MYH8: variants seen among roughly 807,000 people sequenced by gnomAD.
MYH8 encodes myosin-8.
Under a neutral mutation model 233.2 loss-of-function variants are expected in MYH8, and 168 were observed. The observed-to-expected ratio is 0.72, with a 90% CI of 0.64 to 0.82. The LOEUF (loss-of-function observed/expected upper bound fraction) is 0.82, where lower values mean the gene tolerates loss of function less well. MYH8 is among the 40% of genes least tolerant of loss of function. The pLI, the probability that MYH8 is intolerant of heterozygous loss-of-function variation, is 0.00. For missense variants in MYH8, 1,995 were observed against 2,327.8 expected, an observed-to-expected ratio of 0.86 and a Z score of 2.94; for synonymous variants, 785 against 850.6, an observed-to-expected ratio of 0.92 and a Z score of 1.34.
chr17:10,392,737 C>A, intron 37 of MYH8, 91 bp from the exon 38 acceptor site: 1 of 1,613,834 alleles, frequency 6.2e-7, no homozygotes, highest in Non-Finnish European at 8.5e-7. Flanking sequence ...TGTTCCCAGC[C>A]CCAGGACAGG....
At chr17:10,405,531 T>C (rs183217559) in intron 21 of MYH8, among the ~76,000 whole-genome samples, 1 of 152,166 alleles carries the variant, frequency 6.6e-6, no homozygotes, top group South Asian at 2.1e-4. Context: ...GAAAAATGAA[T>C]GCACAGTGTG....
intron 5 of MYH8, among the ~76,000 whole-genome samples, chr17:10,418,010 A>C (rs1335584984): frequency 6.6e-6 from 1 of 152,264 alleles, no homozygotes; most frequent in Admixed American, 6.5e-5. Context: ...ATTTGGGCCT[A>C]TAATGCGTAT....
Position 10,415,738 on chromosome 17 carries a change from A to T in MYH8, c.512-30T>A, listed in dbSNP as rs2072285122. The stretch of plus-strand genomic sequence containing the variant: ...GAAAGAATTCAAAATCATCCGTTAA[A>T]AAATGCATATTTAATATGAAGAGTA... On this transcript the variant is annotated intron_variant, in intron 5 of 39. Transcript: ENST00000403437. This position sits in a 1 kb window ranked among gnomAD's most constrained non-coding sequence, Gnocchi z 4.1. The T allele has an allele frequency of 1.2e-6, 2 of 1,605,496 alleles. No homozygotes were observed. The highest frequency in any genetic ancestry group is 8.5e-7 in the Non-Finnish European group (1 of 1,174,098).
Position 10,406,876 on chromosome 17 carries a change from ACT to A in MYH8, c.2053+14_2053+15del, listed in dbSNP as rs751217989. On this transcript the variant is annotated intron_variant, in intron 18 of 39. Transcript: ENST00000403437. ...AAACCTGTGCCCGTTTGATTATTTCACTCTCTGTGTCTTACCAGGAGTTTTGG... is the reference window on the plus strand; with the variant it reads ...AAACCTGTGCCCGTTTGATTATTTCACTCTGTGTCTTACCAGGAGTTTTGG... 6.2e-7 allele frequency: 1 copy of A among 1,613,250 alleles called. No individual in the cohort carries two copies. Among genetic ancestry groups the A allele is most frequent in the East Asian group, 2.2e-5 (1 of 44,868 alleles).
At chr17:10,418,334 T>C (rs567994071) in intron 5 of MYH8, among the ~76,000 whole-genome samples, 1 of 152,340 alleles carries the variant, frequency 6.6e-6, no homozygotes, top group East Asian at 1.9e-4. Context: ...AATTGGAAAG[T>C]AACAAAATAT....
intron 35 of MYH8, 35 bp downstream of exon 35, chr17:10,394,214 A>C (rs1341712042): frequency 6.2e-7 from 1 of 1,613,176 alleles, no homozygotes; most frequent in Admixed American, 1.7e-5. Flanking sequence ...ATCAGCTACC[A>C]GTACACCAGC....
intron 27 of MYH8, 26 bp from the exon 28 acceptor site, chr17:10,399,695 T>C (rs2072117314): frequency 3.7e-6 from 6 of 1,613,514 alleles, no homozygotes; most frequent in Non-Finnish European, 4.2e-6. Flanking sequence ...CAATGAAAGA[T>C]GAGACATTGA....
chr17:10,418,964 T>C lies in MYH8; in HGVS notation c.277A>G (p.Met93Val), dbSNP rs144036067. 2.0e-4 allele frequency: 321 copies of C among 1,613,646 alleles called. No homozygotes were observed. Among genetic ancestry groups the C allele is most frequent in the Middle Eastern group, 6.6e-4 (4 of 6,084 alleles). ...TCGTGTAGATGAGTCATCATGGCCA[T>C]GTCCTCAATTTTGTCATATTTCGGA... ...NPPKYDKIED[M>V]AMMTHLHEPG... The change falls in exon 4 of 40, where the codon ATG (methionine) becomes GTG (valine). Residue 93 changes from methionine to valine, a missense_variant. Physicochemically the swap from Met to Val is conservative, Grantham distance 21. Around this residue, in one of 3 missense-constraint regions of MYH8, gnomAD observed 479 missense variants for 600.9 expected, o/e 0.80. Coordinates refer to ENST00000403437, the MANE Select transcript of MYH8 (RefSeq NM_002472.3).
chr17:10,415,656 T>C lies in MYH8; in HGVS notation c.539+25A>G, dbSNP rs1443402640. ...CAACATCTAAGACAATCCTTGCAAA[T>C]CAGAGAAGAAAAAAAATCACATACG... On this transcript the variant is annotated intron_variant, in intron 6 of 39. Transcript: ENST00000403437. This position sits in a 1 kb window ranked among gnomAD's most constrained non-coding sequence, Gnocchi z 4.1. The C allele has an allele frequency of 6.8e-6, 11 of 1,613,802 alleles. No homozygotes were observed. Among genetic ancestry groups the C allele is most frequent in the Non-Finnish European group, 9.3e-6 (11 of 1,179,782 alleles).
chr17:10,411,244 C>T (rs1014938475), intron 14 of MYH8, among the ~76,000 whole-genome samples: 8 of 151,800 alleles, frequency 5.3e-5, no homozygotes, highest in South Asian at 2.1e-4. Flanking sequence ...GGTGTGGTGG[C>T]GTGCACCTGT....
At chr17:10,405,716 C>G (rs1388652559) in intron 21 of MYH8, among the ~76,000 whole-genome samples, 1 of 152,142 alleles carries the variant, frequency 6.6e-6, no homozygotes, top group Non-Finnish European at 1.5e-5. Context: ...TTTAGCCTGG[C>G]TGGAAAAGGC....
Position 10,404,660 on chromosome 17 carries a change from T to G in MYH8, c.2433-75A>C, listed in dbSNP as rs560678393. The G allele has an allele frequency of 3.8e-6, 6 of 1,579,328 alleles. No homozygotes were observed. In the East Asian group the frequency reaches 1.4e-4, roughly 36 times the overall value. ...TTATTGTTACTTATCACACACAAATTTCCCTTTTAATGAATGCCGCTCACA... is the reference window on the plus strand; with the variant it reads ...TTATTGTTACTTATCACACACAAATGTCCCTTTTAATGAATGCCGCTCACA... On this transcript the variant is annotated intron_variant, in intron 21 of 39. Coordinates refer to ENST00000403437, the MANE Select transcript of MYH8 (RefSeq NM_002472.3).
chr17:10,392,918 C>T lies in MYH8; in HGVS notation c.5376G>A (p.Thr1792=), dbSNP rs200951146. ...CTAGACGATGCTGCAGGTCCTTCAC[C>T]GTCTGCTCCAGGTTCTTCTTCATCC... is the stretch of plus-strand genomic sequence containing the variant. ...LERMKKNLEQ[T]VKDLQHRLDE... The change falls in exon 37 of 40, where the codon ACG becomes ACA. Residue 1792 remains threonine (T), a synonymous_variant. Coordinates refer to ENST00000403437, the MANE Select transcript of MYH8 (RefSeq NM_002472.3). The T allele has an allele frequency of 1.2e-5, 20 of 1,614,096 alleles. No homozygotes were observed. Among genetic ancestry groups the T allele is most frequent in the Admixed American group, 3.3e-5 (2 of 60,000 alleles).
chr17:10,392,866 C>G lies in MYH8; in HGVS notation c.5428G>C (p.Gly1810Arg). ...LDEAEQLALK[G>R]GKKQIQKLEA... ...AGTTTCTGGATCTGCTTCTTCCCAC[C>G]CTTCAGCGCCAGCTGCTCGGCCTCA... Residue 1810 changes from glycine to arginine, a missense_variant, in exon 37 of 40, where the codon GGT becomes CGT. Gly to Arg is a moderately radical substitution (Grantham distance 125). This residue lies in a region of MYH8 where 1,498 missense variants were observed against 1,680.9 expected (regional missense o/e 0.89). Coordinates refer to ENST00000403437, the MANE Select transcript of MYH8 (RefSeq NM_002472.3). 1 of 1,614,174 alleles carries G rather than the reference C, an allele frequency of 6.2e-7. No individual in the cohort carries two copies. Among genetic ancestry groups the G allele is most frequent in the Non-Finnish European group, 8.5e-7 (1 of 1,180,036 alleles).
chr17:10,413,803 A>G, intron 12 of MYH8, 99 bp downstream of exon 12: 1 of 1,568,714 alleles, frequency 6.4e-7, no homozygotes. Flanking sequence ...TGCCCTTCAC[A>G]AGTCGCAAGT....
chr17:10,397,396 G>A (rs772100963), intron 30 of MYH8, among the ~76,000 whole-genome samples: 1 of 152,070 alleles, frequency 6.6e-6, no homozygotes, highest in Non-Finnish European at 1.5e-5. Context: ...GCCTGGCCAC[G>A]GTCCTGTTTC....
Position 10,415,351 on chromosome 17 carries a change from G to A in MYH8, c.682C>T (p.Pro228Ser), listed in dbSNP as rs780197977. 1 of 1,614,208 alleles carries A rather than the reference G, an allele frequency of 6.2e-7. No homozygotes were observed. The change falls in exon 8 of 40, where the codon CCC (proline) becomes TCC (serine). Residue 228 changes from proline to serine, a missense_variant. Physicochemically the swap from Pro to Ser is moderately conservative, Grantham distance 74 (BLOSUM62 -1). This residue lies in a region of MYH8 where 479 missense variants were observed against 600.9 expected (regional missense o/e 0.80). Coordinates refer to ENST00000403437, the MANE Select transcript of MYH8 (RefSeq NM_002472.3). The surrounding 1 kb of genome is among the most constrained non-coding windows in gnomAD (Gnocchi z 4.1). ...TLEDQIISAN[P>S]LLEAFGNAKT... ...GCATTGCCAAAGGCCTCCAGTAGGG[G>A]ATTGGCGCTGATGATTTGATCTTCC...
Position 10,406,135 on chromosome 17 carries a change from T to G in MYH8, c.2338A>C (p.Arg780=). 6.2e-7 allele frequency: 1 copy of G among 1,614,128 alleles called. No homozygotes were observed. Among genetic ancestry groups the G allele is most frequent in the African/African-American group, 1.3e-5 (1 of 75,024 alleles). Residue 780 remains arginine (R), a synonymous_variant, in exon 21 of 40, where the codon AGA becomes CGA. Transcript: ENST00000403437. ...ATAATTTGGGCTAATTTTTCATCTC[T>G]CATTTCTTCCAGAAGACCCAGAAGT... is the stretch of plus-strand genomic sequence containing the variant. ...AGLLGLLEEM[R]DEKLAQIITR...
At position 10,391,919 on chromosome 17, in the gene MYH8, G is replaced by A. The variant is rs200825271; in HGVS notation, c.5627C>T (p.Ala1876Val). The A allele has an allele frequency of 3.8e-5, 61 of 1,613,764 alleles. No homozygotes were observed. Among genetic ancestry groups the A allele is most frequent in the African/African-American group, 3.2e-4 (24 of 74,808 alleles). Reference protein sequence around the residue: ...RLQDLVDKLQAKVKSYKRQAE... With the variant: ...RLQDLVDKLQVKVKSYKRQAE... The stretch of plus-strand genomic sequence containing the variant: ...TTGTCTCTTGTATGATTTCACCTTC[G>A]CCTGTAATTTATCTACCAAGTCCTG... The change falls in exon 39 of 40, where the codon GCG (alanine) becomes GTG (valine). Residue 1876 changes from alanine (A) to valine (V), a missense_variant. By Grantham distance (64) the Ala-to-Val change is moderately conservative. Around this residue, in one of 3 missense-constraint regions of MYH8, gnomAD observed 1,498 missense variants for 1,680.9 expected, o/e 0.89. Transcript: ENST00000403437.
Sources: gnomAD v4.1 joint callset for allele counts (sites outside exome capture counted in the v4.1 genomes callset) on GRCh38, gnomAD v4.1.1 for gene constraint, gnomAD v4.1.1 regional missense constraint, Gnocchi (gnomAD v3.1) non-coding constraint, MANE v1.5 for transcripts, NCBI Gene and HGNC (gene_info 2026-07-23, HGNC 2026-07-21) for gene names.